The following ITGA2B variants were observed in gnomAD, a reference collection of about 807,000 sequenced individuals.
The protein encoded by ITGA2B is integrin alpha-IIb.
ITGA2B carries 91 observed loss-of-function variants against 142.0 expected under a neutral mutation model. That is an observed-to-expected ratio of 0.64 (90% CI 0.54 to 0.76). The LOEUF is 0.76. Among genes scored for constraint, ITGA2B ranks in the 30% least tolerant of loss-of-function variants. The pLI is 0.00. For synonymous variants in ITGA2B, 536 were observed against 567.2 expected, an observed-to-expected ratio of 0.94 and a Z score of 0.78; for missense variants, 1,231 against 1,350.8, an observed-to-expected ratio of 0.91 and a Z score of 1.39.
At chr17:44,374,879 C>T in intron 27 of ITGA2B, 119 bp from the exon 28 acceptor site, 1 of 1,270,622 alleles carries the variant, frequency 7.9e-7, no homozygotes. Context: ...ACTGCAATCC[C>T]CCAAAGTAAA....
At chr17:44,376,007 G>A (rs1227048944) in intron 24 of ITGA2B, 22 bp from the exon 25 acceptor site, 2 of 1,614,034 alleles carry the variant, frequency 1.2e-6, no homozygotes, top group East Asian at 4.5e-5. Flanking sequence ...GTGGTGGCAG[G>A]GTGTGGGGAG....
chr17:44,389,464 C>T lies in ITGA2B; in HGVS notation c.10G>A (p.Ala4Thr), dbSNP rs537367984. 61 of 1,613,372 alleles carry T rather than the reference C, an allele frequency of 3.8e-5. No individual in the cohort carries two copies. In the East Asian group the frequency reaches 1.3e-3, roughly 34 times the overall value. ...CAGAGGGCTTGCAGTGGACACAAAG[C>T]TCTGGCCATCTTCCTTCTTCCACAA... MAR[A>T]LCPLQALWLL... The change falls in exon 1 of 30, where the codon GCT (alanine) becomes ACT (threonine). Residue 4 changes from alanine (A) to threonine (T), a missense_variant. Physicochemically the swap from Ala to Thr is moderately conservative, Grantham distance 58. This residue lies in a region of ITGA2B where 318 missense variants were observed against 312.2 expected (regional missense o/e 1.02). Transcript: ENST00000262407.
intron 20 of ITGA2B, 95 bp from the exon 21 acceptor site, chr17:44,377,885 TA>T: frequency 5.9e-6 from 3 of 504,256 alleles, no homozygotes; most frequent in Non-Finnish European, 3.5e-6. Flanking sequence ...TGTGCCAAGG[TA>T]GGGAGGGGGG....
At chr17:44,377,896 G>C in intron 20 of ITGA2B, 106 bp from the exon 21 acceptor site, 1 of 717,150 alleles carries the variant, frequency 1.4e-6, no homozygotes, top group Non-Finnish European at 2.5e-6. Flanking sequence ...AGGGAGGGGG[G>C]GGTTTCTTGG....
chr17:44,385,685 A>G lies in ITGA2B; in HGVS notation c.440T>C (p.Leu147Pro). Residue 147 changes from leucine (L) to proline (P), a missense_variant, in exon 4 of 30, where the codon CTA (leucine) becomes CCA (proline). Physicochemically the swap from Leu to Pro is moderately conservative, Grantham distance 98 (BLOSUM62 -3). This residue lies in a region of ITGA2B where 318 missense variants were observed against 312.2 expected (regional missense o/e 1.02). Coordinates refer to ENST00000262407, the MANE Select transcript of ITGA2B (RefSeq NM_000419.5). Reference protein sequence around the residue: ...ACAPWQHWNVLEKTEEAEKTP... With the variant: ...ACAPWQHWNVPEKTEEAEKTP... ...CTTCTCAGCCTCCTCAGTCTTTTCTAGGACGTTCCAGTGCTGCCAGGGGGC... is the reference window on the plus strand; with the variant it reads ...CTTCTCAGCCTCCTCAGTCTTTTCTGGGACGTTCCAGTGCTGCCAGGGGGC... 6.2e-7 allele frequency: 1 copy of G among 1,613,708 alleles called. No homozygotes were observed. Among genetic ancestry groups the G allele is most frequent in the Middle Eastern group, 1.7e-4 (1 of 6,060 alleles).
chr17:44,385,436 G>A (rs2048637657), intron 4 of ITGA2B, 101 bp from the exon 5 acceptor site: 6 of 1,528,284 alleles, frequency 3.9e-6, no homozygotes, highest in Non-Finnish European at 5.3e-6. Context: ...GAGTCGGCGG[G>A]GCCCTGGGGC....
At chr17:44,385,785 C>A (rs530597662) in intron 3 of ITGA2B, 39 bp downstream of exon 3, 2 of 1,610,112 alleles carry the variant, frequency 1.2e-6, no homozygotes, top group Non-Finnish European at 1.7e-6. Context: ...GGTGTCCCTG[C>A]CCCCGATTGT....
intron 6 of ITGA2B, 31 bp downstream of exon 6, chr17:44,385,133 A>G: frequency 6.2e-7 from 1 of 1,613,948 alleles, no homozygotes; most frequent in Non-Finnish European, 8.5e-7. Context: ...GGGCCGCGAG[A>G]AGGGAGGGAG....
At position 44,374,667 on chromosome 17, in the gene ITGA2B, C is replaced by A. The variant is rs374891410; in HGVS notation, c.2935G>T (p.Glu979Ter). Reference sequence around the variant, plus strand: ...CATCCCCCCACACTCACCTGAGCTTCCCCTCGGGGCAGGCTGAGCGGGGGC... The same window carrying A: ...CATCCCCCCACACTCACCTGAGCTTACCCTCGGGGCAGGCTGAGCGGGGGC... ...AVPPLSLPRG[E>*]AQVWTQLLRA... The change falls in exon 28 of 30, where the codon GAA becomes TAA. Residue 979 changes from glutamate to a stop codon, truncating the protein, a stop_gained. Transcript: ENST00000262407. LOFTEE classifies it high-confidence loss of function. The A allele has an allele frequency of 1.9e-6, 3 of 1,613,566 alleles. No individual in the cohort carries two copies. In the African/African-American group the frequency reaches 4.0e-5, roughly 22 times the overall value.
At chr17:44,379,460 G>A (rs1032238171) in intron 18 of ITGA2B, among the ~76,000 whole-genome samples, 1 of 151,792 alleles carries the variant, frequency 6.6e-6, no homozygotes, top group Non-Finnish European at 1.5e-5. Flanking sequence ...CACCATGTTG[G>A]CCAGGTTGGT....
rs773196676 is a variant in ITGA2B, at chr17:44,379,805, C to G, written c.1762G>C (p.Asp588His). ...ATGGGGCTCAGCTTGTCCCGGAAGT[C>G]TGCCTCATCCTAGGACAGGGGCAAG... is the stretch of plus-strand genomic sequence containing the variant. ...TTMAFLRDEA[D>H]FRDKLSPIVL... is the part of the protein sequence containing the mutation. The change falls in exon 18 of 30, where the codon GAC becomes CAC. Residue 588 changes from aspartate to histidine, a missense_variant. Physicochemically the swap from Asp to His is moderately conservative, Grantham distance 81 (BLOSUM62 -1). Coordinates refer to ENST00000262407, the MANE Select transcript of ITGA2B (RefSeq NM_000419.5). 8 of 1,613,776 alleles carry G rather than the reference C, an allele frequency of 5.0e-6. No individual in the cohort carries two copies. The highest frequency in any genetic ancestry group is 6.8e-6 in the Non-Finnish European group (8 of 1,180,026).
intron 29 of ITGA2B, 83 bp from the exon 30 acceptor site, chr17:44,372,506 G>A (rs2048506267): frequency 5.6e-6 from 7 of 1,251,128 alleles, no homozygotes; most frequent in Non-Finnish European, 5.8e-6. Flanking sequence ...TGCTAGCTAT[G>A]AGCACCTCCC....
chr17:44,389,579 A>C lies in ITGA2B; in HGVS notation c.-106T>G. The C allele has an allele frequency of 7.8e-7, 1 of 1,277,952 alleles. No individual in the cohort carries two copies. Among genetic ancestry groups the C allele is most frequent in the Non-Finnish European group, 1.1e-6 (1 of 907,934 alleles). The allele number at this position is 1,277,952 out of a possible 1,614,324, so 79.2% of individuals were successfully genotyped here. On this transcript the variant is annotated 5_prime_UTR_variant, in exon 1 of 30. Coordinates refer to ENST00000262407, the MANE Select transcript of ITGA2B (RefSeq NM_000419.5). ...TCTTATCAAACTGGAACCCCAAGTAACTTGCTGAGCAACGGGCAGAGCAAA... is the reference window on the plus strand; with the variant it reads ...TCTTATCAAACTGGAACCCCAAGTACCTTGCTGAGCAACGGGCAGAGCAAA...
At chr17:44,388,956 C>T (rs112706201) in intron 1 of ITGA2B, among the ~76,000 whole-genome samples, 59 of 152,050 alleles carry the variant, frequency 3.9e-4, no homozygotes, top group African/African-American at 6.3e-4. Context: ...TGAGCCACCG[C>T]GCCCGGCCTC....
Position 44,386,105 on chromosome 17 carries a change from C to G in ITGA2B, c.215G>C (p.Arg72Pro). Reference protein sequence around the residue: ...GRVAIVVGAPRTLGPSQEETG... With the variant: ...GRVAIVVGAPPTLGPSQEETG... The stretch of plus-strand genomic sequence containing the variant: ...CTCCTCCTGGCTGGGGCCCAGGGTC[C>G]GCGGGGCGCCCACCACGATGGCCAC... The change falls in exon 2 of 30, where the codon CGG becomes CCG. Residue 72 changes from arginine to proline, a missense_variant. Around this residue, in one of 3 missense-constraint regions of ITGA2B, gnomAD observed 318 missense variants for 312.2 expected, o/e 1.02. Coordinates refer to ENST00000262407, the MANE Select transcript of ITGA2B (RefSeq NM_000419.5). 3.1e-6 allele frequency: 5 copies of G among 1,604,694 alleles called. No individual in the cohort carries two copies. Among genetic ancestry groups the G allele is most frequent in the Non-Finnish European group, 4.2e-6 (5 of 1,177,628 alleles).
At chr17:44,374,123 C>T (rs2048518590) in intron 29 of ITGA2B, 1 of 525,038 alleles carries the variant, frequency 1.9e-6, no homozygotes, top group African/African-American at 1.9e-5. Context: ...CCAGGCTGGT[C>T]TCGAACTCTT....
Position 44,385,173 on chromosome 17 carries a change from A to G in ITGA2B, c.661T>C (p.Tyr221His). 2.5e-6 allele frequency: 4 copies of G among 1,613,978 alleles called. No individual in the cohort carries two copies. The highest frequency in any genetic ancestry group is 3.4e-6 in the Non-Finnish European group (4 of 1,179,992). Residue 221 changes from tyrosine (Y) to histidine (H), a missense_variant, in exon 6 of 30, where the codon TAT becomes CAT. Tyr to His is a moderately conservative substitution (Grantham distance 83). This residue lies in a region of ITGA2B where 318 missense variants were observed against 312.2 expected (regional missense o/e 1.02). Coordinates refer to ENST00000262407, the MANE Select transcript of ITGA2B (RefSeq NM_000419.5). ...ELVLGAPGGY[Y>H]FLGLLAQAPV... ...ACGGATGGGCACGTACCTAAGAAAT[A>G]ATAGCCGCCAGGAGCCCCAAGCACC...
intron 12 of ITGA2B, among the ~76,000 whole-genome samples, chr17:44,382,304 T>C (rs1352747272): frequency 6.6e-6 from 1 of 152,050 alleles, no homozygotes; most frequent in Non-Finnish European, 1.5e-5. Context: ...AAACATGTTT[T>C]TTTTTTTCCT....
At chr17:44,375,169 C>G (rs977134206) in intron 26 of ITGA2B, 58 bp from the exon 27 acceptor site, 67 of 1,440,666 alleles carry the variant, frequency 4.7e-5, no homozygotes, top group Non-Finnish European at 6.0e-5. Context: ...CATCATCCCC[C>G]ACCCCCTTAC....
Sources: allele counts gnomAD v4.1 joint callset (sites outside exome capture counted in the v4.1 genomes callset), GRCh38; gene constraint gnomAD v4.1.1; regional missense constraint gnomAD v4.1.1; transcripts MANE v1.5; gene names NCBI Gene and HGNC (gene_info 2026-07-23, HGNC 2026-07-21).